Variants in COL27A1 observed in about 807,000 individuals in gnomAD.
COL27A1 encodes collagen type XXVII alpha 1 chain.
Under a neutral mutation model 251.3 loss-of-function variants are expected in COL27A1, and 106 were observed. The ratio of observed to expected loss-of-function variants is 0.42; its 90% CI spans 0.36 to 0.50. The LOEUF (loss-of-function observed/expected upper bound fraction) is 0.50. Among genes scored for constraint, COL27A1 ranks in the 20% least tolerant of loss-of-function variants. The pLI is 0.00. For synonymous variants in COL27A1, 1,000 were observed against 986.3 expected, an observed-to-expected ratio of 1.01 and a Z score of -0.26; for missense variants, 2,325 against 2,522.8, an observed-to-expected ratio of 0.92 and a Z score of 1.68.
At chr9:114,239,910 T>C (rs1832636453) in intron 19 of COL27A1, among the ~76,000 whole-genome samples, 1 of 152,140 alleles carries the variant, frequency 6.6e-6, no homozygotes, top group Non-Finnish European at 1.5e-5. Context: ...CAGACACCCA[T>C]AATTCTGACC....
At chr9:114,259,218 C>T (rs1009407654) in intron 28 of COL27A1, among the ~76,000 whole-genome samples, 6 of 152,016 alleles carry the variant, frequency 3.9e-5, no homozygotes, top group Non-Finnish European at 5.9e-5. Flanking sequence ...AAAAGAGGGA[C>T]GAGGGAGAGG....
At chr9:114,210,160 A>G (rs1331177657) in intron 11 of COL27A1, among the ~76,000 whole-genome samples, 1 of 152,240 alleles carries the variant, frequency 6.6e-6, no homozygotes, top group Non-Finnish European at 1.5e-5. Flanking sequence ...ACGGTGGCCC[A>G]TGGGCCAAAT....
rs766949333 is a variant in COL27A1 at position 114,162,772 on chromosome 9, A to G, written c.120A>G (p.Gln40=). ...VSFACHLAST[Q]GAPEDVDILQ... ...TTGCCTGTCACCTGGCCTCCACCCA[A>G]GGAGCTCCTGAAGGTAATTCTCTCT... Residue 40 remains glutamine (Q), a synonymous_variant, in exon 2 of 61, where the codon CAA becomes CAG. Transcript: ENST00000356083. The G allele has an allele frequency of 1.2e-6, 2 of 1,612,100 alleles. No individual in the cohort carries two copies. The highest frequency in any genetic ancestry group is 1.1e-5 in the South Asian group (1 of 90,978).
intron 13 of COL27A1, among the ~76,000 whole-genome samples, chr9:114,221,168 G>A (rs1218056912): frequency 2.6e-5 from 4 of 152,140 alleles, no homozygotes; most frequent in Non-Finnish European, 4.4e-5. Flanking sequence ...ACAACAGGCA[G>A]TGGGATGGGT....
chr9:114,277,389 C>T (rs552949555), intron 37 of COL27A1, among the ~76,000 whole-genome samples: 4 of 152,142 alleles, frequency 2.6e-5, no homozygotes, highest in Non-Finnish European at 2.9e-5. Context: ...CACTCTTCAT[C>T]CCTCAAGCGG....
chr9:114,205,782 C>A lies in COL27A1; in HGVS notation c.2193C>A (p.Ser731Arg). The stretch of plus-strand genomic sequence containing the variant: ...AGGGGCAGCCAGGACCTGAGGGCAG[C>A]CCAGGGGCCAAAGGTTACCCTGGCA... ...GEQGQPGPEG[S>R]PGAKGYPGRQ... The change falls in exon 9 of 61, where the codon AGC becomes AGA. Residue 731 changes from serine to arginine, a missense_variant. Transcript: ENST00000356083. 6.2e-7 allele frequency: 1 copy of A among 1,614,010 alleles called. No homozygotes were observed. Among genetic ancestry groups the A allele is most frequent in the East Asian group, 2.2e-5 (1 of 44,888 alleles).
intron 10 of COL27A1, among the ~76,000 whole-genome samples, chr9:114,207,920 C>T (rs556991072): frequency 7.2e-5 from 11 of 152,338 alleles, no homozygotes; most frequent in African/African-American, 2.4e-4. Flanking sequence ...CGAGGAGGCT[C>T]AGTGGCTTCT....
At chr9:114,181,043 A>C (rs1827870038) in intron 4 of COL27A1, among the ~76,000 whole-genome samples, 4 of 152,048 alleles carry the variant, frequency 2.6e-5, no homozygotes. Flanking sequence ...TCCAATTCCC[A>C]CTGAGCTTGT....
intron 23 of COL27A1, among the ~76,000 whole-genome samples, chr9:114,243,927 T>C (rs978568300): frequency 5.5e-5 from 5 of 90,846 alleles, no homozygotes; most frequent in Non-Finnish European, 1.1e-4. Context: ...TTTCTTTCAT[T>C]TTTTTTTTTT....
At chr9:114,304,029 G>A (rs371599349) in intron 56 of COL27A1, among the ~76,000 whole-genome samples, 5 of 152,334 alleles carry the variant, frequency 3.3e-5, no homozygotes, top group African/African-American at 7.2e-5. Context: ...CTGTCCTGGA[G>A]GATGTTTAGC....
chr9:114,189,439 C>T (rs564078275), intron 5 of COL27A1, among the ~76,000 whole-genome samples: 1 of 152,000 alleles, frequency 6.6e-6, no homozygotes, highest in East Asian at 1.9e-4. Flanking sequence ...TTCTGTGTAT[C>T]CTCCTTCTTT....
Position 114,309,634 on chromosome 9 carries a change from AGTTTTCTAAAATC to A in COL27A1, c.5436+162_5436+174del, listed in dbSNP as rs1338791580. 6.6e-5 allele frequency among the ~76,000 whole-genome samples: 10 copies of A among 152,304 alleles called. No homozygotes were observed. In the East Asian group the frequency reaches 1.9e-3, roughly 29 times the overall value. ...TGATTTCATCTTTGTGTAATATAACAGTTTTCTAAAATCGTTTTTACTCACTTTCCTCTCTGGG... is the reference window on the plus strand; with the variant it reads ...TGATTTCATCTTTGTGTAATATAACAGTTTTTACTCACTTTCCTCTCTGGG... On this transcript the variant is annotated intron_variant, in intron 60 of 60. Transcript: ENST00000356083.
intron 12 of COL27A1, chr9:114,218,727 C>T (rs1830876014): frequency 6.6e-6 from 1 of 152,126 alleles, no homozygotes; most frequent in African/African-American, 2.4e-5. Context: ...GGGGCAGGGC[C>T]AGGCTAAACA....
At position 114,230,857 on chromosome 9, in the gene COL27A1, C is replaced by A. The variant is rs147662974; in HGVS notation, c.2467-222C>A. On this transcript the variant is annotated intron_variant, in intron 14 of 60. Transcript: ENST00000356083. ...GAAAGGAATGGGGATAGGGAAGGGGCAGCAGTCTAGAAATGAGCTTGGGCA... is the reference window on the plus strand; with the variant it reads ...GAAAGGAATGGGGATAGGGAAGGGGAAGCAGTCTAGAAATGAGCTTGGGCA... Among the ~76,000 whole-genome samples, 1,399 of 152,278 alleles carry A rather than the reference C, an allele frequency of 9.2e-3. 5 individuals carry two copies. Among genetic ancestry groups the A allele is most frequent in the Middle Eastern group, 0.037 (11 of 294 alleles).
At chr9:114,206,935 AG>A (rs1158526920) in intron 10 of COL27A1, among the ~76,000 whole-genome samples, 1 of 152,232 alleles carries the variant, frequency 6.6e-6, no homozygotes, top group African/African-American at 2.4e-5. Context: ...GAAGACAGAG[AG>A]GGTTCTGGGT....
chr9:114,169,357 GC>G lies in COL27A1; in HGVS notation c.1807del (p.Arg603GlyfsTer21), dbSNP rs1849146425. On this transcript the variant is annotated frameshift_variant, in exon 3 of 61. Coordinates refer to ENST00000356083, the MANE Select transcript of COL27A1 (RefSeq NM_032888.4). LOFTEE classifies it high-confidence loss of function. ...GCCCCGGCGCAATTCCTGTCCTCCA[GC>G]CCCCGGCCCACGAGCAGTGGCTATT... ...VLAPAQFLSS[S>X]PRPTSSGYSI... is the part of the protein sequence containing the mutation. 3 of 1,611,648 alleles carry G rather than the reference GC, an allele frequency of 1.9e-6. No individual in the cohort carries two copies. Among genetic ancestry groups the G allele is most frequent in the Non-Finnish European group, 1.7e-6 (2 of 1,179,444 alleles).
intron 3 of COL27A1, among the ~76,000 whole-genome samples, chr9:114,172,250 G>A (rs566878680): frequency 2.0e-5 from 3 of 152,136 alleles, no homozygotes; most frequent in Non-Finnish European, 4.4e-5. Context: ...CATTCTTTCT[G>A]GCCTCTGCTG....
intron 57 of COL27A1, among the ~76,000 whole-genome samples, chr9:114,305,813 A>G (rs959989373): frequency 5.3e-5 from 8 of 152,250 alleles, no homozygotes; most frequent in Admixed American, 3.3e-4. Context: ...GAAGAAATGG[A>G]TTGGGTGAGC....
At chr9:114,209,583 T>C in intron 10 of COL27A1, 92 bp from the exon 11 acceptor site, 12 of 1,135,422 alleles carry the variant, frequency 1.1e-5, no homozygotes, top group Non-Finnish European at 1.6e-5. Flanking sequence ...GGAGCCGGGA[T>C]GTGGGATGGC....
Sources: gnomAD v4.1 joint callset for allele counts (sites outside exome capture counted in the v4.1 genomes callset) on GRCh38, gnomAD v4.1.1 for gene constraint, MANE v1.5 for transcripts, NCBI Gene and HGNC (gene_info 2026-07-23, HGNC 2026-07-21) for gene names.